Variants in LUZP2 observed in about 807,000 individuals in gnomAD.
The protein encoded by LUZP2 is leucine zipper protein 2.
In LUZP2, 52 loss-of-function variants were observed where a neutral mutation model predicts 51.6. That is an observed-to-expected ratio of 1.01 (90% CI 0.81 to 1.27). The LOEUF (loss-of-function observed/expected upper bound fraction) is 1.27. Among genes scored for constraint, LUZP2 ranks in the 50% most tolerant of loss-of-function variants. The pLI is 0.00. For synonymous variants in LUZP2, 154 were observed against 137.3 expected, an observed-to-expected ratio of 1.12 and a Z score of -0.85; for missense variants, 436 against 395.4, an observed-to-expected ratio of 1.10 and a Z score of -0.87.
At position 24,786,482 on chromosome 11, in the gene LUZP2, A is replaced by G. The variant is rs530880194; in HGVS notation, c.396+23174A>G. 4.0e-5 allele frequency: 39 copies of G among 980,230 alleles called. 1 individual carries two copies. In the East Asian group the frequency reaches 4.0e-3, roughly 100 times the overall value. 60.7% of individuals were successfully genotyped at this position (980,230 alleles called of 1,614,324 possible). A position where few individuals can be genotyped will look rare whatever the true frequency, so the allele number is the denominator to read the frequency against. On this transcript the variant is annotated intron_variant, in intron 5 of 11. Transcript: ENST00000336930. ...TCATATTAACGACTGCCTATTTGTA[A>G]CACCTTCCCCTAATGTGAAGAATAA...
At chr11:24,695,588 T>C (rs541099997) in intron 1 of LUZP2, among the ~76,000 whole-genome samples, 3 of 152,054 alleles carry the variant, frequency 2.0e-5, no homozygotes, top group Non-Finnish European at 4.4e-5. Flanking sequence ...TGTAATTTTT[T>C]TACTCATTTT....
intron 1 of LUZP2, among the ~76,000 whole-genome samples, chr11:24,600,757 G>A (rs1264277450): frequency 1.3e-5 from 2 of 151,954 alleles, no homozygotes; most frequent in Non-Finnish European, 2.9e-5. Context: ...CGTAAGCACA[G>A]GAAAAAAGAG....
At chr11:24,695,145 T>C (rs1857205669) in intron 1 of LUZP2, among the ~76,000 whole-genome samples, 1 of 151,698 alleles carries the variant, frequency 6.6e-6, no homozygotes, top group Non-Finnish European at 1.5e-5. Context: ...CAATAAAAAA[T>C]ATATGGATAC....
chr11:24,839,103 G>A (rs941513503), intron 5 of LUZP2, among the ~76,000 whole-genome samples: 1 of 151,568 alleles, frequency 6.6e-6, no homozygotes, highest in Non-Finnish European at 1.5e-5. Flanking sequence ...ATACTCATGA[G>A]CATTTTTCCC....
At chr11:24,749,184 C>T (rs1859487576) in intron 4 of LUZP2, among the ~76,000 whole-genome samples, 1 of 152,172 alleles carries the variant, frequency 6.6e-6, no homozygotes, top group South Asian at 2.1e-4. Context: ...CAAAGGGAAT[C>T]GGACCTGGGC....
chr11:24,773,702 T>C (rs1370996053), intron 5 of LUZP2, among the ~76,000 whole-genome samples: 1 of 152,150 alleles, frequency 6.6e-6, no homozygotes, highest in Admixed American at 6.6e-5. Flanking sequence ...ATTACACATG[T>C]CTCATGTCTC....
intron 5 of LUZP2, among the ~76,000 whole-genome samples, chr11:24,770,778 A>G (rs927187491): frequency 6.6e-6 from 1 of 152,208 alleles, no homozygotes; most frequent in African/African-American, 2.4e-5. Flanking sequence ...GAATTTATTA[A>G]TTCCTATAGA....
chr11:24,579,339 C>CT (rs1228039656), intron 1 of LUZP2, among the ~76,000 whole-genome samples: 1 of 151,980 alleles, frequency 6.6e-6, no homozygotes. Flanking sequence ...TATTTTGAAA[C>CT]TTCAAGACTA....
intron 1 of LUZP2, among the ~76,000 whole-genome samples, chr11:24,574,108 A>C: frequency 7.0e-6 from 1 of 141,920 alleles, no homozygotes; most frequent in Non-Finnish European, 1.5e-5. Context: ...TCCTTTGTTT[A>C]ATCCCTTCCT....
intron 1 of LUZP2, among the ~76,000 whole-genome samples, chr11:24,636,921 T>C (rs1309965368): frequency 2.0e-5 from 3 of 149,832 alleles, no homozygotes; most frequent in Admixed American, 2.0e-4. Context: ...TTTTTGCTTA[T>C]AAAAAAAGAT....
At chr11:24,869,531 A>C (rs1022864886) in intron 5 of LUZP2, among the ~76,000 whole-genome samples, 2 of 152,040 alleles carry the variant, frequency 1.3e-5, no homozygotes, top group African/African-American at 4.8e-5. Context: ...AATTCAGCTC[A>C]TTGTAACCTC....
chr11:24,544,755 A>G (rs1359386481), intron 1 of LUZP2, among the ~76,000 whole-genome samples: 1 of 151,898 alleles, frequency 6.6e-6, no homozygotes, highest in Non-Finnish European at 1.5e-5. Flanking sequence ...ATTTGCCTGC[A>G]TGTGTCTTTA....
chr11:24,522,665 C>A (rs890174290), intron 1 of LUZP2, among the ~76,000 whole-genome samples: 8 of 152,002 alleles, frequency 5.3e-5, no homozygotes, highest in African/African-American at 1.9e-4. Flanking sequence ...AATCCTAAAG[C>A]ACTCTATATT....
intron 1 of LUZP2, among the ~76,000 whole-genome samples, chr11:24,606,985 C>T (rs1426462505): frequency 6.6e-6 from 1 of 151,676 alleles, no homozygotes; most frequent in African/African-American, 2.4e-5. Context: ...TCATTCTTTA[C>T]TTGGTTTTAT....
chr11:24,931,983 G>A (rs1854469594), intron 7 of LUZP2, among the ~76,000 whole-genome samples: 1 of 152,142 alleles, frequency 6.6e-6, no homozygotes, highest in Admixed American at 6.5e-5. Context: ...TTCCCATAGG[G>A]ATGTGACTTC....
At chr11:24,952,456 T>C (rs1400118407) in intron 7 of LUZP2, among the ~76,000 whole-genome samples, 1 of 151,666 alleles carries the variant, frequency 6.6e-6, no homozygotes. Flanking sequence ...ATTTAAATGT[T>C]ATAGGACAAA....
chr11:24,891,532 A>G, intron 5 of LUZP2: 2 of 941,776 alleles, frequency 2.1e-6, no homozygotes, highest in African/African-American at 1.8e-5. Flanking sequence ...GATATATTCT[A>G]TATTTCTAGC....
intron 1 of LUZP2, among the ~76,000 whole-genome samples, chr11:24,671,920 T>C (rs545619536): frequency 9.4e-4 from 143 of 152,286 alleles, no homozygotes; most frequent in African/African-American, 3.4e-3. Context: ...TTTTTCTTTT[T>C]CTTTTTGCTT....
chr11:24,580,977 G>T (rs1203868106), intron 1 of LUZP2, among the ~76,000 whole-genome samples: 1 of 151,802 alleles, frequency 6.6e-6, no homozygotes, highest in South Asian at 2.1e-4. Context: ...TAATGATTTG[G>T]GATGTTTTCC....
Sources: allele counts gnomAD v4.1 joint callset (sites outside exome capture counted in the v4.1 genomes callset), GRCh38; gene constraint gnomAD v4.1.1; transcripts MANE v1.5; gene names NCBI Gene and HGNC (gene_info 2026-07-23, HGNC 2026-07-21).